The following COX15 variants were observed in gnomAD, a reference collection of about 807,000 sequenced individuals.
COX15 encodes cytochrome c oxidase assembly factor COX15, also known as heme A synthase COX15.
A neutral mutation model predicts 51.9 loss-of-function variants in COX15; 51 were observed. The ratio of observed to expected loss-of-function variants is 0.98; its 90% CI spans 0.78 to 1.24. COX15 has a LOEUF of 1.24. Among genes scored for constraint, COX15 ranks in the 50% most tolerant of loss-of-function variants. COX15 has a pLI of 0.00. For synonymous variants in COX15, 188 were observed against 190.5 expected (o/e 0.99, Z 0.11); for missense variants, 420 against 501.1 (o/e 0.84, Z 1.55).
Position 99,727,548 on chromosome 10 carries a change from G to A in COX15, c.288C>T (p.Gly96=). 6.2e-7 allele frequency: 1 copy of A among 1,613,546 alleles called. No individual in the cohort carries two copies. The highest frequency in any genetic ancestry group is 8.5e-7 in the Non-Finnish European group (1 of 1,179,988). The change falls in exon 3 of 9, where the codon GGC becomes GGT. Residue 96 remains glycine, a synonymous_variant. Transcript: ENST00000016171. Reference sequence around the variant, plus strand: ...TTAAATGCCAATCTACCATCGAGAGGCCAGACTCTGTCAACCTTAGGATAG... The same window carrying A: ...TTAAATGCCAATCTACCATCGAGAGACCAGACTCTGTCAACCTTAGGATAG... ...LGGVTRLTES[G]LSMVDWHLIK...
At chr10:99,700,708 G>A in the COX15 span, among the ~76,000 whole-genome samples, 39 of 152,284 alleles carry the variant, frequency 2.6e-4, no homozygotes, top group African/African-American at 7.5e-4. Context: ...GTCTTTTGAC[G>A]TTGCTATTTG....
intron 6 of COX15, among the ~76,000 whole-genome samples, chr10:99,719,663 G>A (rs541416183): frequency 6.6e-6 from 1 of 151,232 alleles, no homozygotes; most frequent in African/African-American, 2.4e-5. Context: ...GCTAATTTTT[G>A]TATTTTTTGT....
chr10:99,731,849 G>C, intron 1 of COX15, 111 bp downstream of exon 1: 1 of 1,371,762 alleles, frequency 7.3e-7, no homozygotes, highest in Non-Finnish European at 1.0e-6. Context: ...TGCGTTGTGA[G>C]TGCACTGTAA....
chr10:99,724,208 G>C (rs2036872750), intron 4 of COX15, 85 bp from the exon 5 acceptor site: 1 of 1,489,220 alleles, frequency 6.7e-7, no homozygotes, highest in Non-Finnish European at 9.3e-7. Flanking sequence ...TTTTGAGACA[G>C]AGTCTCACTC....
At chr10:99,718,065 G>A (rs1260305360) in intron 7 of COX15, among the ~76,000 whole-genome samples, 1 of 151,896 alleles carries the variant, frequency 6.6e-6, no homozygotes, top group Admixed American at 6.6e-5. Flanking sequence ...AATTGAGGGA[G>A]GTTATCACTT....
chr10:99,717,577 T>G (rs772581806), intron 7 of COX15, among the ~76,000 whole-genome samples: 3 of 152,104 alleles, frequency 2.0e-5, no homozygotes, highest in Non-Finnish European at 4.4e-5. Flanking sequence ...CAGGCTAGAA[T>G]GCAGTAACGT....
At chr10:99,714,890 C>T (rs1045009478) in intron 8 of COX15, among the ~76,000 whole-genome samples, 172 bp from the exon 9 acceptor site, 2 of 152,172 alleles carry the variant, frequency 1.3e-5, no homozygotes, top group Non-Finnish European at 2.9e-5. Flanking sequence ...GAAATTCGAA[C>T]AAAATTGATA....
the COX15 span, chr10:99,696,215 C>CCCTGT: frequency 7.0e-7 from 1 of 1,438,492 alleles, no homozygotes; most frequent in Non-Finnish European, 9.4e-7. Flanking sequence ...ACAGATAAGT[C>CCCTGT]CCTGCTTCCT....
intron 5 of COX15, 33 bp downstream of exon 5, chr10:99,723,923 T>C (rs1393940012): frequency 1.2e-6 from 2 of 1,610,646 alleles, no homozygotes; most frequent in East Asian, 2.2e-5. Flanking sequence ...AAAAGCGGGG[T>C]CTTGAACACA....
chr10:99,709,580 TACC>T (rs2036320861), downstream of COX15: 2 of 983,666 alleles, frequency 2.0e-6, no homozygotes, highest in South Asian at 9.4e-5. Flanking sequence ...ACAGTGAATA[TACC>T]TCAAATTGAA....
At chr10:99,702,844 A>C in the COX15 span, among the ~76,000 whole-genome samples, 1 of 152,080 alleles carries the variant, frequency 6.6e-6, no homozygotes, top group Admixed American at 6.5e-5. Flanking sequence ...AGCCACTGTT[A>C]CTACCAGGCA....
chr10:99,698,800 A>G, the COX15 span: 2 of 1,613,936 alleles, frequency 1.2e-6, no homozygotes, highest in Non-Finnish European at 1.7e-6. Flanking sequence ...TATTGTACAG[A>G]GGATGTGTTG....
Position 99,718,401 on chromosome 10 carries a change from A to G in COX15, c.932T>C (p.Ile311Thr). The G allele has an allele frequency of 6.2e-7, 1 of 1,614,108 alleles. No homozygotes were observed. The highest frequency in any genetic ancestry group is 1.1e-5 in the South Asian group (1 of 91,084). Residue 311 changes from isoleucine (I) to threonine (T), a missense_variant, in exon 7 of 9, where the codon ATC becomes ACC. Physicochemically the swap from Ile to Thr is moderately conservative, Grantham distance 89. Transcript: ENST00000016171. Reference protein sequence around the residue: ...IPEDLFTFSPILRNVFENPTM... With the variant: ...IPEDLFTFSPTLRNVFENPTM... ...GGGATTCTCAAAAACATTCCTCAGG[A>G]TGGGGGAGAAGGTAAAGAGGTCCTC... is the stretch of plus-strand genomic sequence containing the variant.
chr10:99,694,595 G>C, the COX15 span, among the ~76,000 whole-genome samples: 3 of 141,914 alleles, frequency 2.1e-5, no homozygotes, highest in African/African-American at 7.9e-5. Flanking sequence ...GGAGTGCCAT[G>C]GCACGATCTC....
At chr10:99,730,873 C>T (rs1201576467) in intron 1 of COX15, among the ~76,000 whole-genome samples, 1 of 152,114 alleles carries the variant, frequency 6.6e-6, no homozygotes, top group African/African-American at 2.4e-5. Flanking sequence ...CCAGCCTGGG[C>T]AATGTAGCGA....
At chr10:99,718,599 A>G in intron 6 of COX15, 99 bp from the exon 7 acceptor site, 5 of 1,226,260 alleles carry the variant, frequency 4.1e-6, no homozygotes, top group Non-Finnish European at 6.0e-6. Flanking sequence ...GAGTTAAACT[A>G]AGGGAACAGT....
intron 4 of COX15, among the ~76,000 whole-genome samples, chr10:99,726,414 C>T (rs904053588): frequency 4.6e-5 from 7 of 152,146 alleles, no homozygotes; most frequent in South Asian, 4.1e-4. Context: ...AATATTTACA[C>T]GACTGTACAT....
At chr10:99,721,358 T>A (rs2036766103) in intron 5 of COX15, among the ~76,000 whole-genome samples, 1 of 152,226 alleles carries the variant, frequency 6.6e-6, no homozygotes, top group Admixed American at 6.5e-5. Flanking sequence ...AGGTACTCAT[T>A]ACGCATCTGT....
chr10:99,710,230 C>T (rs1322494576), downstream of COX15: 19 of 985,302 alleles, frequency 1.9e-5, no homozygotes, highest in Non-Finnish European at 2.3e-5. Context: ...CTGGTGAAGA[C>T]GCCCCTTACT....
Sources: gnomAD v4.1 joint callset for allele counts (sites outside exome capture counted in the v4.1 genomes callset) on GRCh38, gnomAD v4.1.1 for gene constraint, MANE v1.5 for transcripts, NCBI Gene and HGNC (gene_info 2026-07-23, HGNC 2026-07-21) for gene names.